Variants in DYNC1LI1 observed in about 807,000 individuals in gnomAD.
DYNC1LI1 encodes cytoplasmic dynein 1 light intermediate chain 1.
DYNC1LI1 carries 19 observed loss-of-function variants against 63.8 expected under a neutral mutation model. The observed-to-expected ratio is 0.30, with a 90% CI of 0.21 to 0.44. The LOEUF (loss-of-function observed/expected upper bound fraction) is 0.44, where lower values mean the gene tolerates loss of function less well. Ranked by LOEUF, DYNC1LI1 falls within the 20% of genes least tolerant of loss-of-function variation. The pLI, the probability that DYNC1LI1 is intolerant of heterozygous loss-of-function variation, is 1.00. For synonymous variants in DYNC1LI1, 225 were observed against 232.3 expected (o/e 0.97, Z 0.28); for missense variants, 565 against 630.2 (o/e 0.90, Z 1.11).
In DYNC1LI1 at chr3:32,570,824, G is replaced by A. The variant is rs976531900; in HGVS notation, c.-54C>T. The A allele has an allele frequency of 1.5e-5, 23 of 1,558,918 alleles. No individual in the cohort carries two copies. Among genetic ancestry groups the A allele is most frequent in the Middle Eastern group, 1.7e-4 (1 of 5,880 alleles). ...AAGACTAAATGTGCGAGGCGGCTGA[G>A]GCGGTGGCGGTGGAGGCGGCGGGAA... On this transcript the variant is annotated 5_prime_UTR_variant, in exon 1 of 13. Transcript: ENST00000273130.
Position 32,530,689 on chromosome 3 carries a change from G to T in DYNC1LI1, c.1081-169C>A. ...TGCCCTACCCAAGGCCTTCAGCAGA[G>T]GTGTCCAGTAACTAGCTACAGTTTT... On this transcript the variant is annotated intron_variant, in intron 8 of 12. Transcript: ENST00000273130. 4.0e-5 allele frequency: 24 copies of T among 602,454 alleles called. No homozygotes were observed. In the South Asian group the frequency reaches 4.8e-4, roughly 12 times the overall value. 37.3% of individuals were successfully genotyped at this position (602,454 alleles called of 1,614,324 possible).
intron 2 of DYNC1LI1, among the ~76,000 whole-genome samples, chr3:32,553,921 T>G (rs1202935486): frequency 6.6e-6 from 1 of 152,230 alleles, no homozygotes; most frequent in Admixed American, 6.5e-5. Flanking sequence ...GCAAGACTGT[T>G]TGGGAGCCAT....
chr3:32,532,780 G>C (rs1014416439), intron 8 of DYNC1LI1: 3 of 849,184 alleles, frequency 3.5e-6, no homozygotes, highest in African/African-American at 3.6e-5. Flanking sequence ...CAAGGGCGAA[G>C]ATTTAATTAG....
chr3:32,562,466 A>G (rs1698206438), intron 2 of DYNC1LI1, among the ~76,000 whole-genome samples: 2 of 152,026 alleles, frequency 1.3e-5, no homozygotes, highest in South Asian at 4.1e-4. Context: ...CAGCCTCCCA[A>G]GTAGCTGGGA....
chr3:32,557,136 C>T (rs1698125617), intron 2 of DYNC1LI1, among the ~76,000 whole-genome samples: 1 of 152,262 alleles, frequency 6.6e-6, no homozygotes, highest in Non-Finnish European at 1.5e-5. Flanking sequence ...CCATCATGAA[C>T]CCTCTTCTCT....
intron 7 of DYNC1LI1, among the ~76,000 whole-genome samples, chr3:32,534,086 C>G (rs904971643): frequency 2.0e-5 from 3 of 150,310 alleles, no homozygotes; most frequent in Middle Eastern, 3.5e-3. Context: ...GCCATGTTGG[C>G]CAGGCTTGTC....
intron 6 of DYNC1LI1, among the ~76,000 whole-genome samples, chr3:32,536,573 A>G (rs1328265403): frequency 6.6e-6 from 1 of 152,190 alleles, no homozygotes; most frequent in Non-Finnish European, 1.5e-5. Flanking sequence ...ATATGTCTAG[A>G]TAGGCAGAGC....
chr3:32,568,830 G>A (rs184883749), intron 2 of DYNC1LI1, among the ~76,000 whole-genome samples: 1 of 152,210 alleles, frequency 6.6e-6, no homozygotes, highest in Admixed American at 6.5e-5. Flanking sequence ...ATTTCAATGA[G>A]GTCATATGAG....
At chr3:32,550,309 T>C (rs1196446051) in intron 2 of DYNC1LI1, among the ~76,000 whole-genome samples, 1 of 152,152 alleles carries the variant, frequency 6.6e-6, no homozygotes, top group Non-Finnish European at 1.5e-5. Flanking sequence ...TGCATGACTA[T>C]AATCCCAGTT....
chr3:32,531,877 A>C (rs750464931), intron 8 of DYNC1LI1: 11 of 152,160 alleles, frequency 7.2e-5, no homozygotes, highest in Admixed American at 2.0e-4. Flanking sequence ...AGTGTTTCAG[A>C]TTGCTGAATA....
chr3:32,561,235 T>G (rs1358897015), intron 2 of DYNC1LI1, among the ~76,000 whole-genome samples: 9 of 151,560 alleles, frequency 5.9e-5, no homozygotes, highest in Non-Finnish European at 1.3e-4. Flanking sequence ...ACCTTTACAT[T>G]AAGATGCAAA....
chr3:32,559,224 T>C (rs1698157688), intron 2 of DYNC1LI1, among the ~76,000 whole-genome samples: 1 of 151,994 alleles, frequency 6.6e-6, no homozygotes, highest in South Asian at 2.1e-4. Context: ...ACACTAGAAA[T>C]AAAACTCATA....
At chr3:32,530,063 G>T (rs1428262430) in intron 10 of DYNC1LI1, among the ~76,000 whole-genome samples, 3 of 152,098 alleles carry the variant, frequency 2.0e-5, no homozygotes, top group Non-Finnish European at 4.4e-5. Context: ...TAAGGCGGTT[G>T]TGAGAATTTG....
At chr3:32,544,684 G>C (rs1312765428) in intron 4 of DYNC1LI1, among the ~76,000 whole-genome samples, 192 bp downstream of exon 4, 1 of 151,588 alleles carries the variant, frequency 6.6e-6, no homozygotes, top group Non-Finnish European at 1.5e-5. Flanking sequence ...AGAGGTTGCA[G>C]TGAGCCAAGA....
At chr3:32,532,487 G>GTGTATATA (rs369421174) in intron 8 of DYNC1LI1, 6 of 125,376 alleles carry the variant, frequency 4.8e-5, no homozygotes, top group Admixed American at 8.5e-5. Flanking sequence ...AAAAATGTGT[G>GTGTATATA]TATATATATA....
rs771141777 is a variant in DYNC1LI1 at position 32,570,242 on chromosome 3, T to G, written c.220+104A>C. 90 of 940,308 alleles carry G rather than the reference T, an allele frequency of 9.6e-5. 1 individual carries two copies. In the East Asian group the frequency reaches 2.3e-3, roughly 24 times the overall value. 58.2% of individuals were successfully genotyped at this position (940,308 alleles called of 1,614,324 possible). A position where few individuals can be genotyped will look rare whatever the true frequency, so the allele number is the denominator to read the frequency against. On this transcript the variant is annotated intron_variant, in intron 2 of 12. Coordinates refer to ENST00000273130, the MANE Select transcript of DYNC1LI1 (RefSeq NM_016141.4). The stretch of plus-strand genomic sequence containing the variant: ...GTCGGGAGGCGAGGCGGGGCGGGGC[T>G]GGGCCGGCTGTCCGCACAAAGAGAG...
At chr3:32,569,339 G>A (rs1698309878) in intron 2 of DYNC1LI1, among the ~76,000 whole-genome samples, 1 of 152,096 alleles carries the variant, frequency 6.6e-6, no homozygotes, top group South Asian at 2.1e-4. Flanking sequence ...ATTCTTGCTT[G>A]GCAGCAGTCT....
chr3:32,547,360 G>A (rs1401398926), intron 2 of DYNC1LI1, among the ~76,000 whole-genome samples: 1 of 152,142 alleles, frequency 6.6e-6, no homozygotes, highest in African/African-American at 2.4e-5. Context: ...TAGAATCATA[G>A]TAATAGTATT....
chr3:32,537,998 T>TTATATATATAATA, intron 5 of DYNC1LI1, among the ~76,000 whole-genome samples: 1 of 47,740 alleles, frequency 2.1e-5, no homozygotes, highest in Non-Finnish European at 3.4e-5. Context: ...TATATATAAT[T>TTATATATATAATA]TATATATATA....
Sources: allele counts gnomAD v4.1 joint callset (sites outside exome capture counted in the v4.1 genomes callset), GRCh38; gene constraint gnomAD v4.1.1; transcripts MANE v1.5; gene names NCBI Gene and HGNC (gene_info 2026-07-23, HGNC 2026-07-21).